Variants in GATB observed in about 807,000 individuals in gnomAD.
GATB encodes glutamyl-tRNA(Gln) amidotransferase subunit B, mitochondrial.
GATB carries 39 observed loss-of-function variants against 62.3 expected under a neutral mutation model. The ratio of observed to expected loss-of-function variants is 0.63; its 90% CI spans 0.48 to 0.82. GATB has a LOEUF of 0.82. GATB is among the 40% of genes least tolerant of loss of function. The pLI, the probability that GATB is intolerant of heterozygous loss-of-function variation, is 0.00. For synonymous variants in GATB, 276 were observed against 258.9 expected (o/e 1.07, Z -0.63); for missense variants, 670 against 684.0 (o/e 0.98, Z 0.23).
At chr4:151,727,422 C>T (rs1487540712) in intron 2 of GATB, among the ~76,000 whole-genome samples, 1 of 152,248 alleles carries the variant, frequency 6.6e-6, no homozygotes, top group Non-Finnish European at 1.5e-5. Flanking sequence ...ACTGCTACGG[C>T]ATACATTTGT....
Position 151,716,941 on chromosome 4 carries a change from T to C in GATB, c.575A>G (p.Gln192Arg). ...GTCGTGGAGGCTTTTGCCACTGTCT[T>C]GCTCCAACTGGATCTGCTTGATCCT... ...TVRIKQIQLEQDSGKSLHDNL... is the reference protein window; with the variant it reads ...TVRIKQIQLERDSGKSLHDNL... Residue 192 changes from glutamine to arginine, a missense_variant, in exon 4 of 13, where the codon CAA becomes CGA. Coordinates refer to ENST00000263985, the MANE Select transcript of GATB (RefSeq NM_004564.3). 1 of 1,614,196 alleles carries C rather than the reference T, an allele frequency of 6.2e-7. No individual in the cohort carries two copies. Among genetic ancestry groups the C allele is most frequent in the Non-Finnish European group, 8.5e-7 (1 of 1,180,030 alleles).
At chr4:151,686,926 CT>C in intron 10 of GATB, 2 of 153,088 alleles carry the variant, frequency 1.3e-5, no homozygotes, top group Admixed American at 6.5e-5. Context: ...TCTCCACGTG[CT>C]TTTCCCCATG....
intron 2 of GATB, among the ~76,000 whole-genome samples, chr4:151,749,331 T>TA (rs1291643686): frequency 1.3e-5 from 2 of 152,088 alleles, no homozygotes; most frequent in African/African-American, 2.4e-5. Context: ...TATGCAGCCA[T>TA]AAAAAATGAT....
chr4:151,704,910 G>C (rs188232326), intron 7 of GATB, among the ~76,000 whole-genome samples: 1 of 150,434 alleles, frequency 6.6e-6, no homozygotes, highest in Non-Finnish European at 1.5e-5. Context: ...CACCATGCCC[G>C]GCTAATTTTT....
Position 151,716,994 on chromosome 4 carries a change from C to T in GATB, c.522G>A (p.Lys174=). 1 of 1,614,172 alleles carries T rather than the reference C, an allele frequency of 6.2e-7. No individual in the cohort carries two copies. The highest frequency in any genetic ancestry group is 8.5e-7 in the Non-Finnish European group (1 of 1,180,030). ...CCGTCTTGGGGATCACCTGACTCTG[C>T]TTCTTCCCTGCACAGACGCCATATA... ...SLIYGVCAGK[K]QSQVIPKTVR... The change falls in exon 4 of 13, where the codon AAG becomes AAA. Residue 174 remains lysine (K), a synonymous_variant. Transcript: ENST00000263985.
chr4:151,739,472 G>A (rs1470971686), intron 2 of GATB, among the ~76,000 whole-genome samples: 1 of 152,150 alleles, frequency 6.6e-6, no homozygotes, highest in Non-Finnish European at 1.5e-5. Context: ...TCCCCAAGAT[G>A]CCGCAGCGTA....
At chr4:151,757,467 AT>A (rs745311470) in intron 2 of GATB, among the ~76,000 whole-genome samples, 246 of 103,806 alleles carry the variant, frequency 2.4e-3, no homozygotes, top group Non-Finnish European at 2.9e-3. Flanking sequence ...CAGCTTCCAG[AT>A]TTTTTTTTTT....
Position 151,758,750 on chromosome 4 carries a change from T to C in GATB, c.327+22A>G, listed in dbSNP as rs769068678. The C allele has an allele frequency of 6.0e-6, 9 of 1,496,412 alleles. No individual in the cohort carries two copies. The East Asian group carries it at 1.4e-4, about 23-fold the overall frequency. The allele number at this position is 1,496,412 out of a possible 1,614,324, so 92.7% of individuals were successfully genotyped here. ...AAAATAAACATTTTTCTAATGAAAA[T>C]AGGATTAAATAAGAATCTTACCGGC... On this transcript the variant is annotated intron_variant, in intron 2 of 12. Transcript: ENST00000263985.
rs775723710 is a variant in GATB at position 151,758,740 on chromosome 4, C to G, written c.327+32G>C. 6.2e-6 allele frequency: 9 copies of G among 1,448,810 alleles called. No individual in the cohort carries two copies. The East Asian group carries it at 1.7e-4, about 27-fold the overall frequency. The allele number at this position is 1,448,810 out of a possible 1,614,324, so 89.7% of individuals were successfully genotyped here. On this transcript the variant is annotated intron_variant, in intron 2 of 12. Coordinates refer to ENST00000263985, the MANE Select transcript of GATB (RefSeq NM_004564.3). ...TGTTCAATATAAAATAAACATTTTT[C>G]TAATGAAAATAGGATTAAATAAGAA...
intron 6 of GATB, among the ~76,000 whole-genome samples, chr4:151,705,846 T>C (rs998659388): frequency 2.0e-5 from 3 of 152,286 alleles, no homozygotes; most frequent in Non-Finnish European, 4.4e-5. Flanking sequence ...TTTTTTTTCT[T>C]TTTTTGAGAG....
chr4:151,704,555 G>A (rs1424398130), intron 7 of GATB, among the ~76,000 whole-genome samples: 4 of 151,520 alleles, frequency 2.6e-5, no homozygotes, highest in African/African-American at 4.8e-5. Flanking sequence ...CTGGGTTTAC[G>A]CCATTCTCCT....
chr4:151,706,433 G>C (rs537685702), intron 6 of GATB, among the ~76,000 whole-genome samples: 2 of 151,822 alleles, frequency 1.3e-5, no homozygotes, highest in Admixed American at 6.6e-5. Flanking sequence ...CTACCTACAG[G>C]GGGAGGTGGA....
At chr4:151,704,319 T>C (rs902299798) in intron 7 of GATB, among the ~76,000 whole-genome samples, 4 of 152,302 alleles carry the variant, frequency 2.6e-5, no homozygotes, top group African/African-American at 9.6e-5. Flanking sequence ...GAAGTAAAAA[T>C]TCTTGCCACA....
intron 2 of GATB, among the ~76,000 whole-genome samples, chr4:151,725,052 C>T (rs1215469964): frequency 6.6e-6 from 1 of 152,228 alleles, no homozygotes; most frequent in African/African-American, 2.4e-5. Flanking sequence ...AAAGAGGGCA[C>T]ATTTGGGCAA....
At position 151,672,550 on chromosome 4, in the gene GATB, C is replaced by CTTCT. The variant is rs1737897107; in HGVS notation, c.1545+208_1545+211dup. ...GAGAGTAAACTCCAGGGGTGGCATC[C>CTTCT]TTCTTATAGGAAAAGAAGTTGTGTT... On this transcript the variant is annotated intron_variant, in intron 12 of 12. Coordinates refer to ENST00000263985, the MANE Select transcript of GATB (RefSeq NM_004564.3). 3 of 554,490 alleles carry CTTCT rather than the reference C, an allele frequency of 5.4e-6. No homozygotes were observed. The African/African-American group carries it at 5.6e-5, about 10-fold the overall frequency. 34.3% of individuals were successfully genotyped at this position (554,490 alleles called of 1,614,324 possible). A position where few individuals can be genotyped will look rare whatever the true frequency, so the allele number is the denominator to read the frequency against.
In GATB at chr4:151,697,955, A is replaced by ATATATATATATATATATATATATATGTG. The variant is rs1738512858; in HGVS notation, c.1197+3373_1197+3374insCACATATATATATATATATATATATATA. Among the ~76,000 whole-genome samples, 14 of 35,150 alleles carry ATATATATATATATATATATATATATGTG rather than the reference A, an allele frequency of 4.0e-4. 1 individual carries two copies. Among genetic ancestry groups the ATATATATATATATATATATATATATGTG allele is most frequent in the African/African-American group, 2.1e-3 (13 of 6,108 alleles). The allele number at this position is 35,150 out of a possible 152,430, so 23.1% of individuals were successfully genotyped here. ...CATATATATGTGTGTGTGTGTGTGTATATATATATATATATATATATATAT... is the reference window on the plus strand; with the variant it reads ...CATATATATGTGTGTGTGTGTGTGTATATATATATATATATATATATATATGTGTATATATATATATATATATATATAT... On this transcript the variant is annotated intron_variant, in intron 9 of 12. Coordinates refer to ENST00000263985, the MANE Select transcript of GATB (RefSeq NM_004564.3).
chr4:151,685,753 A>G lies in GATB; in HGVS notation c.1331+2877T>C, dbSNP rs532580331. Among the ~76,000 whole-genome samples, 342 of 152,340 alleles carry G rather than the reference A, an allele frequency of 2.2e-3. 2 individuals are homozygous for G. The highest frequency in any genetic ancestry group is 4.2e-3 in the Non-Finnish European group (287 of 68,026). On this transcript the variant is annotated intron_variant, in intron 10 of 12. Transcript: ENST00000263985. ...ATGGAGAGGCCAAACCCGGGAGGACAGGGATGAAAGACCAAGAGGCGCGGT... is the reference window on the plus strand; with the variant it reads ...ATGGAGAGGCCAAACCCGGGAGGACGGGGATGAAAGACCAAGAGGCGCGGT...
intron 11 of GATB, chr4:151,675,828 G>A (rs1737988753): frequency 6.6e-6 from 1 of 152,266 alleles, no homozygotes; most frequent in South Asian, 2.1e-4. Context: ...AGACACTGGA[G>A]CCGGCTCTGA....
chr4:151,682,630 T>C (rs913643754), intron 10 of GATB, among the ~76,000 whole-genome samples: 1 of 151,914 alleles, frequency 6.6e-6, no homozygotes, highest in African/African-American at 2.4e-5. Context: ...TCATTCAGGA[T>C]CACAGCTCCA....
Sources: gnomAD v4.1 joint callset for allele counts (sites outside exome capture counted in the v4.1 genomes callset) on GRCh38, gnomAD v4.1.1 for gene constraint, MANE v1.5 for transcripts, NCBI Gene and HGNC (gene_info 2026-07-23, HGNC 2026-07-21) for gene names.